The following AGBL1 variants were observed in gnomAD, a reference collection of about 807,000 sequenced individuals.
AGBL1 encodes AGBL carboxypeptidase 1.
AGBL1 carries 130 observed loss-of-function variants against 118.9 expected under a neutral mutation model. The ratio of observed to expected loss-of-function variants is 1.09; its 90% CI spans 0.95 to 1.26. AGBL1 has a LOEUF of 1.26. AGBL1 is among the 50% of genes most tolerant of loss of function. The probability of loss-of-function intolerance (pLI) is 0.00; values close to 1 mark genes in which losing one functional copy is unlikely to be tolerated. For synonymous variants in AGBL1, 555 were observed against 478.9 expected (o/e 1.16, Z -2.08); for missense variants, 1,584 against 1,298.1 (o/e 1.22, Z -3.38).
At chr15:86,103,923 T>C (rs968661093) in intron 1 of AGBL1, among the ~76,000 whole-genome samples, 12 of 152,152 alleles carry the variant, frequency 7.9e-5, no homozygotes, top group African/African-American at 2.4e-4. Context: ...ACAGTGGGCA[T>C]GGCATGAGTA....
intron 21 of AGBL1, among the ~76,000 whole-genome samples, chr15:86,595,592 C>T (rs971078703): frequency 2.6e-5 from 4 of 152,224 alleles, no homozygotes; most frequent in Non-Finnish European, 5.9e-5. Context: ...TCCTGTCTCT[C>T]TCATTCCTTT....
intron 18 of AGBL1, among the ~76,000 whole-genome samples, chr15:86,467,745 A>G (rs969155137): frequency 6.6e-6 from 1 of 152,122 alleles, no homozygotes; most frequent in Non-Finnish European, 1.5e-5. Flanking sequence ...AACCCCTTGC[A>G]CTTCCTGGGT....
At chr15:86,752,463 G>A (rs2077869085) in intron 22 of AGBL1, among the ~76,000 whole-genome samples, 1 of 152,030 alleles carries the variant, frequency 6.6e-6, no homozygotes, top group South Asian at 2.1e-4. Context: ...TTCTTCCTGA[G>A]GTAATGAGTT....
At chr15:86,535,205 G>T (rs1028496686) in intron 19 of AGBL1, among the ~76,000 whole-genome samples, 1 of 152,204 alleles carries the variant, frequency 6.6e-6, no homozygotes, top group African/African-American at 2.4e-5. Flanking sequence ...AAGTCAGAAA[G>T]ATCCAGCCAG....
intron 17 of AGBL1, among the ~76,000 whole-genome samples, chr15:86,387,416 G>A (rs1179368096): frequency 6.6e-6 from 1 of 152,152 alleles, no homozygotes; most frequent in African/African-American, 2.4e-5. Context: ...TTACCTGGAA[G>A]ATGATACCAT....
At chr15:86,103,985 G>T (rs568616344) in intron 1 of AGBL1, among the ~76,000 whole-genome samples, 1 of 152,264 alleles carries the variant, frequency 6.6e-6, no homozygotes, top group African/African-American at 2.4e-5. Context: ...GGCCTGTGCT[G>T]GTATTGGCAG....
chr15:86,771,947 G>A (rs55910544), intron 22 of AGBL1, among the ~76,000 whole-genome samples: 48,215 of 151,686 alleles, frequency 0.32, 8,478 homozygotes, highest in African/African-American at 0.47. Context: ...TGGGAGATAC[G>A]GAAGTTCTTG....
chr15:86,556,559 TG>T (rs950385622), intron 21 of AGBL1, among the ~76,000 whole-genome samples: 3 of 152,228 alleles, frequency 2.0e-5, no homozygotes, highest in African/African-American at 7.2e-5. Context: ...ATTTTACATA[TG>T]GGGGGGCCCA....
Position 86,911,102 on chromosome 15 carries a change from A to T in AGBL1, c.*3808A>T, listed in dbSNP as rs927445043. The stretch of plus-strand genomic sequence containing the variant: ...CAAGAATTCCAAGGAGTTGTAGGCC[A>T]TAATGGGAAGCAAATGTGGTCCAAA... On this transcript the variant is annotated 3_prime_UTR_variant, in exon 23 of 23. Transcript: ENST00000614907. 6.6e-6 allele frequency: 1 copy of T among 152,492 alleles called. No individual in the cohort carries two copies. The highest frequency in any genetic ancestry group is 2.1e-4 in the South Asian group (1 of 4,828). The allele number at this position is 152,492 out of a possible 1,614,324, so 9.4% of individuals were successfully genotyped here. A position where few individuals can be genotyped will look rare whatever the true frequency, so the allele number is the denominator to read the frequency against.
intron 1 of AGBL1, among the ~76,000 whole-genome samples, chr15:86,115,048 G>A (rs1897669240): frequency 6.6e-6 from 1 of 152,142 alleles, no homozygotes; most frequent in African/African-American, 2.4e-5. Context: ...AACACTGCCT[G>A]GCACCTCAAG....
chr15:86,548,430 C>T (rs2083615931), intron 20 of AGBL1, among the ~76,000 whole-genome samples: 1 of 152,044 alleles, frequency 6.6e-6, no homozygotes, highest in South Asian at 2.1e-4. Flanking sequence ...CTGCAAAACG[C>T]AGTATAAAAT....
chr15:86,681,433 C>T (rs984479944), intron 22 of AGBL1, among the ~76,000 whole-genome samples: 1 of 152,036 alleles, frequency 6.6e-6, no homozygotes, highest in Non-Finnish European at 1.5e-5. Flanking sequence ...AACAACTTTC[C>T]AGATACCTTT....
intron 22 of AGBL1, among the ~76,000 whole-genome samples, chr15:86,809,621 G>A (rs2078761855): frequency 6.6e-6 from 1 of 152,206 alleles, no homozygotes; most frequent in Non-Finnish European, 1.5e-5. Flanking sequence ...CAGGAAGGTA[G>A]TGGTTGAGAA....
chr15:86,846,052 T>C (rs978470849), intron 22 of AGBL1, among the ~76,000 whole-genome samples: 1 of 152,224 alleles, frequency 6.6e-6, no homozygotes, highest in African/African-American at 2.4e-5. Flanking sequence ...TCTTTTCTAT[T>C]TAGCCAGCCT....
chr15:86,533,955 A>C (rs2083385472), intron 19 of AGBL1, among the ~76,000 whole-genome samples: 1 of 77,222 alleles, frequency 1.3e-5, no homozygotes, highest in Non-Finnish European at 2.4e-5. Context: ...CACTCTGGGG[A>C]CTGTGGTGGG....
intron 22 of AGBL1, among the ~76,000 whole-genome samples, chr15:86,750,959 A>G (rs1212774253): frequency 2.6e-5 from 4 of 152,062 alleles, no homozygotes; most frequent in Middle Eastern, 3.2e-3. Flanking sequence ...GTCCCTGTAA[A>G]GGACATGATC....
intron 18 of AGBL1, among the ~76,000 whole-genome samples, chr15:86,440,798 A>G (rs951408935): frequency 1.3e-5 from 2 of 152,222 alleles, no homozygotes; most frequent in African/African-American, 4.8e-5. Flanking sequence ...AAACTCCAGA[A>G]CATTCTCATA....
At chr15:86,843,355 T>A (rs532733495) in intron 22 of AGBL1, among the ~76,000 whole-genome samples, 49 of 152,152 alleles carry the variant, frequency 3.2e-4, no homozygotes, top group African/African-American at 1.1e-3. Context: ...TTTTCTTTTT[T>A]AAAAAATAAT....
chr15:86,383,284 GCTTAT>G (rs1244533153), intron 17 of AGBL1, among the ~76,000 whole-genome samples: 2 of 132,832 alleles, frequency 1.5e-5, no homozygotes, highest in African/African-American at 2.9e-5. Flanking sequence ...AATCCTAATT[GCTTAT>G]CTTAAGTATT....
Sources: gnomAD v4.1 joint callset for allele counts (sites outside exome capture counted in the v4.1 genomes callset) on GRCh38, gnomAD v4.1.1 for gene constraint, MANE v1.5 for transcripts, NCBI Gene and HGNC (gene_info 2026-07-23, HGNC 2026-07-21) for gene names.